The following IGSF21 variants were observed in gnomAD, a reference collection of about 807,000 sequenced individuals.
The protein encoded by IGSF21 is immunoglobulin superfamily member 21.
In IGSF21, 28 loss-of-function variants were observed where a neutral mutation model predicts 46.8. That is an observed-to-expected ratio of 0.60 (90% CI 0.44 to 0.82). IGSF21 has a LOEUF of 0.82. IGSF21 is among the 40% of genes least tolerant of loss of function. The pLI is 0.00. For missense variants in IGSF21, 624 were observed against 665.5 expected (o/e 0.94, Z 0.69); for synonymous variants, 284 against 273.6 (o/e 1.04, Z -0.38).
chr1:18,327,703 C>T (rs987244939), intron 3 of IGSF21, among the ~76,000 whole-genome samples: 1 of 152,046 alleles, frequency 6.6e-6, no homozygotes, highest in Admixed American at 6.5e-5. Context: ...TTTATAGTGA[C>T]AGAAAGAGGA....
At chr1:18,326,520 A>G (rs1419403451) in intron 3 of IGSF21, among the ~76,000 whole-genome samples, 2 of 152,238 alleles carry the variant, frequency 1.3e-5, no homozygotes, top group Non-Finnish European at 2.9e-5. Context: ...TCATCTCTTC[A>G]TTAAAGCACA....
chr1:18,310,576 TCTTGGAGGTATCC>T (rs1027267734), intron 3 of IGSF21, among the ~76,000 whole-genome samples: 25 of 152,348 alleles, frequency 1.6e-4, no homozygotes, highest in African/African-American at 4.6e-4. Flanking sequence ...CATTCATTTT[TCTTGGAGGTATCC>T]CTTGGAGAGG....
chr1:18,361,406 A>G (rs1244838370), intron 4 of IGSF21: 1 of 152,208 alleles, frequency 6.6e-6, no homozygotes, highest in Non-Finnish European at 1.5e-5. Flanking sequence ...CAAGTTACAA[A>G]CAGTTAACCG....
At chr1:18,205,796 G>A (rs529909692) in intron 1 of IGSF21, among the ~76,000 whole-genome samples, 3 of 152,316 alleles carry the variant, frequency 2.0e-5, no homozygotes, top group South Asian at 2.1e-4. Flanking sequence ...TCAGGGATTC[G>A]TGAGAAAGAT....
At position 18,376,919 on chromosome 1, in the gene IGSF21, T is replaced by C; in HGVS notation, c.1221T>C (p.Asn407=). 4.3e-6 allele frequency: 7 copies of C among 1,612,726 alleles called. No individual in the cohort carries two copies. Among genetic ancestry groups the C allele is most frequent in the Non-Finnish European group, 5.1e-6 (6 of 1,178,824 alleles). Residue 407 remains asparagine, a synonymous_variant, in exon 8 of 10, where the codon AAT becomes AAC. Transcript: ENST00000251296. ...LVLERVPAEL[N]GSMYRCTAQN... The stretch of plus-strand genomic sequence containing the variant: ...TGGAGCGGGTTCCCGCCGAGCTCAA[T>C]GGCTCCATGTATCGCTGCACCGCCC...
intron 1 of IGSF21, among the ~76,000 whole-genome samples, chr1:18,187,644 A>C (rs1457440587): frequency 1.3e-5 from 2 of 152,208 alleles, no homozygotes; most frequent in African/African-American, 4.8e-5. Flanking sequence ...ACAATTCAAG[A>C]TGAGATTTAG....
intron 4 of IGSF21, among the ~76,000 whole-genome samples, chr1:18,342,819 T>C (rs1012678688): frequency 5.9e-5 from 9 of 152,260 alleles, no homozygotes; most frequent in African/African-American, 2.2e-4. Context: ...GATCGCGTTT[T>C]GTTTATGCAT....
intron 2 of IGSF21, among the ~76,000 whole-genome samples, chr1:18,275,245 C>T (rs2085088574): frequency 6.6e-6 from 1 of 152,188 alleles, no homozygotes; most frequent in Non-Finnish European, 1.5e-5. Context: ...CCCTGGGAAA[C>T]CACACTGGGA....
chr1:18,318,220 G>C (rs911304648), intron 3 of IGSF21, among the ~76,000 whole-genome samples: 1 of 152,170 alleles, frequency 6.6e-6, no homozygotes, highest in African/African-American at 2.4e-5. Context: ...TGAGGAAGAA[G>C]CCCTGGCCCC....
chr1:18,225,077 TCTCTCTCTCACACA>T (rs1217239223), intron 1 of IGSF21, among the ~76,000 whole-genome samples: 2 of 38,734 alleles, frequency 5.2e-5, no homozygotes. Flanking sequence ...TCTCTCTCTC[TCTCTCTCTCACACA>T]CACACACACA....
intron 1 of IGSF21, among the ~76,000 whole-genome samples, chr1:18,186,845 C>A (rs1413828627): frequency 6.6e-6 from 1 of 152,152 alleles, no homozygotes; most frequent in Non-Finnish European, 1.5e-5. Context: ...CCTGGGGTAA[C>A]TTCTGCTCAT....
intron 2 of IGSF21, among the ~76,000 whole-genome samples, chr1:18,261,585 G>A (rs1286237697): frequency 6.6e-6 from 1 of 152,212 alleles, no homozygotes; most frequent in East Asian, 1.9e-4. Flanking sequence ...ATAAATAGGA[G>A]TGCACAACTG....
chr1:18,288,179 G>C (rs2085233707), intron 2 of IGSF21, among the ~76,000 whole-genome samples: 1 of 152,078 alleles, frequency 6.6e-6, no homozygotes, highest in African/African-American at 2.4e-5. Flanking sequence ...CATTCAACTG[G>C]GGATGGAGGA....
chr1:18,228,721 G>C (rs1450486916), intron 2 of IGSF21, among the ~76,000 whole-genome samples: 1 of 152,172 alleles, frequency 6.6e-6, no homozygotes, highest in African/African-American at 2.4e-5. Context: ...ATGCATGCTT[G>C]AGTGTGCACA....
intron 3 of IGSF21, among the ~76,000 whole-genome samples, chr1:18,315,929 T>C (rs2085538853): frequency 6.6e-6 from 1 of 151,890 alleles, no homozygotes; most frequent in Non-Finnish European, 1.5e-5. Context: ...GTGCTGAAGG[T>C]TTAATGAGAT....
At chr1:18,330,142 T>C (rs2085697847) in intron 3 of IGSF21, among the ~76,000 whole-genome samples, 1 of 152,220 alleles carries the variant, frequency 6.6e-6, no homozygotes, top group Non-Finnish European at 1.5e-5. Context: ...ATCATGCAGA[T>C]CAATGCCACT....
chr1:18,347,653 C>T (rs1343075578), intron 4 of IGSF21, among the ~76,000 whole-genome samples: 1 of 152,190 alleles, frequency 6.6e-6, no homozygotes, highest in Non-Finnish European at 1.5e-5. Flanking sequence ...AGGCCCTGAG[C>T]TCGGGAGGGA....
At chr1:18,227,512 G>A (rs538446038) in intron 1 of IGSF21, among the ~76,000 whole-genome samples, 3 of 151,882 alleles carry the variant, frequency 2.0e-5, no homozygotes, top group African/African-American at 4.8e-5. Context: ...AAAAGGGGTG[G>A]AGGGGCGATG....
At chr1:18,304,133 G>A (rs898881595) in intron 3 of IGSF21, among the ~76,000 whole-genome samples, 2 of 152,164 alleles carry the variant, frequency 1.3e-5, no homozygotes, top group Admixed American at 6.5e-5. Flanking sequence ...GAAAGTGAGA[G>A]AGAAGTTAAA....
Sources: gnomAD v4.1 joint callset for allele counts (sites outside exome capture counted in the v4.1 genomes callset) on GRCh38, gnomAD v4.1.1 for gene constraint, MANE v1.5 for transcripts, NCBI Gene and HGNC (gene_info 2026-07-23, HGNC 2026-07-21) for gene names.